The following TJP1 variants were observed in gnomAD, a reference collection of about 807,000 sequenced individuals.
TJP1 encodes tight junction protein 1, also known as tight junction protein ZO-1.
Under a neutral mutation model 194.2 loss-of-function variants are expected in TJP1, and 43 were observed. That is an observed-to-expected ratio of 0.22 (90% CI 0.17 to 0.29). The LOEUF (loss-of-function observed/expected upper bound fraction) is 0.29. Among genes scored for constraint, TJP1 ranks in the 10% least tolerant of loss-of-function variants. The probability of loss-of-function intolerance (pLI) is 1.00; values close to 1 mark genes in which losing one functional copy is unlikely to be tolerated. For synonymous variants in TJP1, 801 were observed against 779.0 expected (o/e 1.03, Z -0.47); for missense variants, 1,971 against 2,185.7 (o/e 0.90, Z 1.96).
intron 2 of TJP1, among the ~76,000 whole-genome samples, chr15:29,795,192 G>C (rs2048326920): frequency 6.6e-6 from 1 of 152,142 alleles, no homozygotes; most frequent in African/African-American, 2.4e-5. Flanking sequence ...GGGAGGCTGA[G>C]GTGGGAGGAT....
chr15:29,950,293 CGCT>C (rs1567228678), intron 2 of TJP1, among the ~76,000 whole-genome samples: 2 of 150,338 alleles, frequency 1.3e-5, no homozygotes, highest in Admixed American at 6.6e-5. Flanking sequence ...CCTTCACCAC[CGCT>C]ACCTCCACCA....
At chr15:29,964,477 A>C in intron 1 of TJP1, among the ~76,000 whole-genome samples, 1 of 152,198 alleles carries the variant, frequency 6.6e-6, no homozygotes, top group Non-Finnish European at 1.5e-5. Flanking sequence ...GTGAAGACAG[A>C]AGCAGAGAAT....
intron 2 of TJP1, among the ~76,000 whole-genome samples, chr15:29,838,992 CTTTTTTTTTTTT>C (rs760557407): frequency 1.2e-5 from 1 of 83,444 alleles, no homozygotes; most frequent in East Asian, 3.9e-4. Flanking sequence ...AAAAATTCAC[CTTTTTTTTTTTT>C]TTTTTTTTTT....
chr15:29,751,836 T>C, intron 8 of TJP1, among the ~76,000 whole-genome samples: 1 of 152,224 alleles, frequency 6.6e-6, no homozygotes, highest in East Asian at 1.9e-4. Context: ...AGTTTGTTTT[T>C]AAATTTGCCA....
At chr15:29,819,632 T>C (rs2050186798) in intron 1 of TJP1, among the ~76,000 whole-genome samples, 2 of 152,234 alleles carry the variant, frequency 1.3e-5, no homozygotes, top group Admixed American at 1.3e-4. Flanking sequence ...TATCATTTTA[T>C]CATGTAGGTT....
intron 2 of TJP1, among the ~76,000 whole-genome samples, chr15:29,861,934 G>A (rs1326859618): frequency 1.3e-5 from 2 of 152,094 alleles, no homozygotes; most frequent in Non-Finnish European, 2.9e-5. Flanking sequence ...AGGTCATGAA[G>A]ACTTACTCCT....
rs35120167 is a variant in TJP1, at chr15:29,718,809, A to C, written c.3333T>G (p.Ser1111=). The part of the protein sequence containing the change: ...PSRPPFDNQH[S]QDLDSRQHPE... ...GATGCTGTCTGGAGTCAAGGTCTTG[A>C]GAGTGCTGATTATCAAAAGGTGGCC... The change falls in exon 21 of 28, where the codon TCT becomes TCG. Residue 1111 remains serine, a synonymous_variant. Coordinates refer to ENST00000614355, the MANE Select transcript of TJP1 (RefSeq NM_001330239.4). The C allele has an allele frequency of 2.7e-4, 441 of 1,614,098 alleles. No homozygotes were observed. The African/African-American group carries it at 5.3e-3, about 20-fold the overall frequency.
intron 2 of TJP1, among the ~76,000 whole-genome samples, chr15:29,799,210 C>G (rs1412989769): frequency 6.6e-6 from 1 of 152,012 alleles, no homozygotes; most frequent in African/African-American, 2.4e-5. Context: ...AAATCATTGA[C>G]ATCGCCACTA....
chr15:29,726,353 C>CA, intron 18 of TJP1, 26 bp downstream of exon 18: 3 of 1,596,702 alleles, frequency 1.9e-6, no homozygotes, highest in Non-Finnish European at 2.6e-6. Context: ...CTGAACAAGT[C>CA]AAAAAAGTAA....
At chr15:29,903,795 C>G (rs1032474734) in intron 2 of TJP1, among the ~76,000 whole-genome samples, 5 of 152,130 alleles carry the variant, frequency 3.3e-5, no homozygotes, top group African/African-American at 1.2e-4. Flanking sequence ...TCCTCTTTTT[C>G]TGAAATCAGG....
chr15:29,924,008 C>A (rs754571054), intron 2 of TJP1, among the ~76,000 whole-genome samples: 1 of 152,234 alleles, frequency 6.6e-6, no homozygotes, highest in Non-Finnish European at 1.5e-5. Context: ...AAAAAGCTAT[C>A]TGACATATTG....
At chr15:29,710,213 G>C (rs562192110) in intron 24 of TJP1, among the ~76,000 whole-genome samples, 1 of 151,890 alleles carries the variant, frequency 6.6e-6, no homozygotes, top group Admixed American at 6.6e-5. Flanking sequence ...GTCTTTATCT[G>C]TAAACATGGG....
At chr15:29,724,769 AC>A (rs1229853216) in intron 18 of TJP1, among the ~76,000 whole-genome samples, 1 of 152,186 alleles carries the variant, frequency 6.6e-6, no homozygotes, top group Non-Finnish European at 1.5e-5. Flanking sequence ...AGTTGTAACA[AC>A]CTTTTCTGGC....
intron 10 of TJP1, among the ~76,000 whole-genome samples, chr15:29,740,515 C>T (rs966181215): frequency 6.6e-6 from 1 of 151,782 alleles, no homozygotes; most frequent in African/African-American, 2.4e-5. Flanking sequence ...TCCTTTCATC[C>T]CAGCTACTCA....
intron 25 of TJP1, among the ~76,000 whole-genome samples, chr15:29,707,162 C>A (rs1222881082): frequency 6.6e-6 from 1 of 152,124 alleles, no homozygotes; most frequent in Admixed American, 6.5e-5. Flanking sequence ...ATATCCCAAA[C>A]ATCCACGAAA....
At chr15:29,731,002 A>C in intron 15 of TJP1, 1 of 1,264,888 alleles carries the variant, frequency 7.9e-7, no homozygotes, top group South Asian at 1.2e-5. Context: ...TGCATTTTTG[A>C]TAACTGTGTA....
chr15:29,833,881 A>ATATT (rs1555434000), intron 2 of TJP1, among the ~76,000 whole-genome samples: 7 of 12,616 alleles, frequency 5.5e-4, no homozygotes, highest in South Asian at 4.0e-3. Context: ...ATATATATAT[A>ATATT]TTTTTTTTTT....
intron 18 of TJP1, among the ~76,000 whole-genome samples, chr15:29,722,366 A>G (rs2042982001): frequency 6.6e-6 from 1 of 152,220 alleles, no homozygotes; most frequent in African/African-American, 2.4e-5. Context: ...AGCTCCAGAC[A>G]TGGCCAAAAT....
chr15:29,816,578 C>G (rs982507479), intron 1 of TJP1, among the ~76,000 whole-genome samples: 5 of 152,188 alleles, frequency 3.3e-5, no homozygotes, highest in African/African-American at 1.2e-4. Flanking sequence ...TCAGTGACTT[C>G]TCACAAACTA....
Sources: allele counts gnomAD v4.1 joint callset (sites outside exome capture counted in the v4.1 genomes callset), GRCh38; gene constraint gnomAD v4.1.1; transcripts MANE v1.5; gene names NCBI Gene and HGNC (gene_info 2026-07-23, HGNC 2026-07-21).